Variants in STRIT1 observed in about 807,000 individuals in gnomAD.
STRIT1 encodes sarcoplasmic/endoplasmic reticulum calcium ATPase regulator DWORF.
chr3:155,291,172 T>C lies in STRIT1; in HGVS notation c.14-134A>G, dbSNP rs953697564. On this transcript the variant is annotated intron_variant, in intron 1 of 2. Coordinates refer to ENST00000489090, the MANE Select transcript of STRIT1 (RefSeq NM_001352129.2). ...CTCTAGTTATACCCATACATAATTA[T>C]TTTTTCTTTTCTACAGAGAATACGT... 3 of 390,296 alleles carry C rather than the reference T, an allele frequency of 7.7e-6. 1 individual carries two copies. The Admixed American group carries it at 1.3e-4, about 17-fold the overall frequency. 24.2% of individuals were successfully genotyped at this position (390,296 alleles called of 1,614,324 possible).
chr3:155,292,019 C>A (rs1297671081), intron 1 of STRIT1, among the ~76,000 whole-genome samples: 1 of 152,044 alleles, frequency 6.6e-6, no homozygotes, highest in African/African-American at 2.4e-5. Context: ...ATATTCTTAG[C>A]AATTATACTC....
At chr3:155,292,423 T>A (rs919703368) in intron 1 of STRIT1, among the ~76,000 whole-genome samples, 5 of 152,166 alleles carry the variant, frequency 3.3e-5, no homozygotes, top group African/African-American at 1.2e-4. Context: ...AGCAGTAATT[T>A]TTTTGAACTG....
At chr3:155,292,374 C>T (rs1470052866) in intron 1 of STRIT1, among the ~76,000 whole-genome samples, 1 of 151,998 alleles carries the variant, frequency 6.6e-6, no homozygotes, top group Non-Finnish European at 1.5e-5. Context: ...GGACGAAAGC[C>T]TTTTTATGAA....
In STRIT1 at chr3:155,290,436, C is replaced by G. The variant is rs972257699; in HGVS notation, c.*415G>C. 9.9e-6 allele frequency: 1 copy of G among 101,444 alleles called. No homozygotes were observed. Among genetic ancestry groups the G allele is most frequent in the African/African-American group, 3.9e-5 (1 of 25,890 alleles). The allele number at this position is 101,444 out of a possible 1,614,324, so 6.3% of individuals were successfully genotyped here. A position where few individuals can be genotyped will look rare whatever the true frequency, so the allele number is the denominator to read the frequency against. ...TTTTTTTTTTGTAGAGATGGGGTCT[C>G]TCTCTGTCGCCTAGGAAGGTCTCCA... On this transcript the variant is annotated 3_prime_UTR_variant, in exon 3 of 3. Transcript: ENST00000489090.
At chr3:155,292,223 A>G (rs1715654528) in intron 1 of STRIT1, among the ~76,000 whole-genome samples, 1 of 152,190 alleles carries the variant, frequency 6.6e-6, no homozygotes, top group South Asian at 2.1e-4. Flanking sequence ...GACAAAATTC[A>G]ACATGCTTTT....
chr3:155,290,294 A>C lies in STRIT1; in HGVS notation c.*557T>G, dbSNP rs1038484. On this transcript the variant is annotated 3_prime_UTR_variant, in exon 3 of 3. Transcript: ENST00000489090. ...AGCAACAATTCCTCAGTGTAGTTTT[A>C]ATTACATTTCTCTTTTTGTGAACAA... The C allele has an allele frequency of 0.29, 44,345 of 151,458 alleles. 7,323 individuals carry two copies. The highest frequency in any genetic ancestry group is 0.51 in the South Asian group (2,467 of 4,792). 9.4% of individuals were successfully genotyped at this position (151,458 alleles called of 1,614,324 possible).
At chr3:155,292,553 A>G (rs1038343905) in intron 1 of STRIT1, among the ~76,000 whole-genome samples, 6 of 152,160 alleles carry the variant, frequency 3.9e-5, no homozygotes, top group African/African-American at 1.4e-4. Flanking sequence ...CATATCACAA[A>G]GCCCTAAAAG....
chr3:155,292,624 A>G (rs1172474002), intron 1 of STRIT1, among the ~76,000 whole-genome samples: 2 of 152,168 alleles, frequency 1.3e-5, no homozygotes, highest in African/African-American at 2.4e-5. Flanking sequence ...GCATTTTAAC[A>G]CCCAAAGTAT....
At chr3:155,291,140 A>G (rs1173554146) in intron 1 of STRIT1, 102 bp from the exon 2 acceptor site, 4 of 395,168 alleles carry the variant, frequency 1.0e-5, no homozygotes, top group African/African-American at 8.2e-5. Context: ...AGAAAAAAGC[A>G]TACACTCTCT....
At chr3:155,291,212 C>A in intron 1 of STRIT1, 174 bp from the exon 2 acceptor site, 1 of 376,542 alleles carries the variant, frequency 2.7e-6, no homozygotes, top group Non-Finnish European at 4.7e-6. Flanking sequence ...CTGTCATAAA[C>A]CCTGGGTATT....
At position 155,290,640 on chromosome 3, in the gene STRIT1, A is replaced by G. The variant is rs753289539; in HGVS notation, c.*211T>C. ...CATGCATTTTTCATCACAGCTAAACATTTTTCTCACTCAGAATATAGAGAA... is the reference window on the plus strand; with the variant it reads ...CATGCATTTTTCATCACAGCTAAACGTTTTTCTCACTCAGAATATAGAGAA... On this transcript the variant is annotated 3_prime_UTR_variant, in exon 3 of 3. Coordinates refer to ENST00000489090, the MANE Select transcript of STRIT1 (RefSeq NM_001352129.2). 3 of 204,174 alleles carry G rather than the reference A, an allele frequency of 1.5e-5. No individual in the cohort carries two copies. Among genetic ancestry groups the G allele is most frequent in the Non-Finnish European group, 2.9e-5 (3 of 103,158 alleles). The allele number at this position is 204,174 out of a possible 1,614,324, so 12.6% of individuals were successfully genotyped here.
intron 1 of STRIT1, among the ~76,000 whole-genome samples, chr3:155,291,558 T>G (rs1226774782): frequency 6.6e-6 from 1 of 152,178 alleles, no homozygotes; most frequent in Non-Finnish European, 1.5e-5. Flanking sequence ...CCTCAATAGC[T>G]GAATGTAATT....
chr3:155,291,875 C>T (rs1260610122), intron 1 of STRIT1, among the ~76,000 whole-genome samples: 2 of 152,136 alleles, frequency 1.3e-5, no homozygotes, highest in Non-Finnish European at 2.9e-5. Flanking sequence ...TCCACACCTA[C>T]ATCACACAAA....
intron 1 of STRIT1, among the ~76,000 whole-genome samples, chr3:155,292,804 T>A (rs1055846285): frequency 6.6e-6 from 1 of 152,186 alleles, no homozygotes; most frequent in Admixed American, 6.6e-5. Flanking sequence ...TCTAAAATGC[T>A]TCTCTCTTGT....
At chr3:155,293,117 A>G (rs1484931479) in intron 1 of STRIT1, among the ~76,000 whole-genome samples, 1 of 152,182 alleles carries the variant, frequency 6.6e-6, no homozygotes, top group African/African-American at 2.4e-5. Flanking sequence ...TTATATAACT[A>G]TAAAATATAA....
At chr3:155,291,614 T>C (rs902399446) in intron 1 of STRIT1, among the ~76,000 whole-genome samples, 1 of 152,168 alleles carries the variant, frequency 6.6e-6, no homozygotes. Context: ...TATGTAACCA[T>C]TCTTGACTAC....
chr3:155,291,376 T>C (rs1189037637), intron 1 of STRIT1: 3 of 178,462 alleles, frequency 1.7e-5, no homozygotes, highest in African/African-American at 7.0e-5. Context: ...TGCAAAGCTT[T>C]GTAAACTCTA....
In STRIT1 at chr3:155,290,710, A is replaced by G. The variant is rs1045684969; in HGVS notation, c.*141T>C. 3.0e-6 allele frequency: 1 copy of G among 328,012 alleles called. No individual in the cohort carries two copies. The highest frequency in any genetic ancestry group is 5.5e-6 in the Non-Finnish European group (1 of 182,582). The allele number at this position is 328,012 out of a possible 1,614,324, so 20.3% of individuals were successfully genotyped here. A position where few individuals can be genotyped will look rare whatever the true frequency, so the allele number is the denominator to read the frequency against. Reference sequence around the variant, plus strand: ...TTGTCCTGAAGAAATTCTTATGCATACCAAAGTGCCAGTTTATGATCCAAG... The same window carrying G: ...TTGTCCTGAAGAAATTCTTATGCATGCCAAAGTGCCAGTTTATGATCCAAG... On this transcript the variant is annotated 3_prime_UTR_variant, in exon 3 of 3. Transcript: ENST00000489090.
chr3:155,293,163 G>T (rs776021358), intron 1 of STRIT1, among the ~76,000 whole-genome samples: 60 of 152,052 alleles, frequency 3.9e-4, no homozygotes, highest in Non-Finnish European at 6.5e-4. Flanking sequence ...AAAAAAGTTA[G>T]ATGTGGAACA....
Sources: allele counts gnomAD v4.1 joint callset (sites outside exome capture counted in the v4.1 genomes callset), GRCh38; gene constraint gnomAD v4.1.1; transcripts MANE v1.5; gene names NCBI Gene and HGNC (gene_info 2026-07-23, HGNC 2026-07-21).